Variants in PON3 observed in about 807,000 individuals in gnomAD.
PON3 encodes paraoxonase 3.
PON3 carries 37 observed loss-of-function variants against 36.3 expected under a neutral mutation model. That is an observed-to-expected ratio of 1.02 (90% CI 0.78 to 1.34). The LOEUF is 1.34. Among genes scored for constraint, PON3 ranks in the 40% most tolerant of loss-of-function variants. The pLI is 0.00. For missense variants in PON3, 415 were observed against 426.5 expected (o/e 0.97, Z 0.24); for synonymous variants, 155 against 154.8 (o/e 1.00, Z -0.01).
chr7:95,362,844 T>C lies in PON3; in HGVS notation c.696-3A>G. On this transcript the variant is annotated splice_polypyrimidine_tract_variant and splice_region_variant and intron_variant, in intron 6 of 8. Transcript: ENST00000265627. ...CTACATCAGCTACATAGACATACCT[T>C]TGAAGTAAATGACATTTACACTTAA... 6.3e-7 allele frequency: 1 copy of C among 1,599,418 alleles called. No individual in the cohort carries two copies. The highest frequency in any genetic ancestry group is 2.2e-5 in the East Asian group (1 of 44,806).
intron 8 of PON3, among the ~76,000 whole-genome samples, chr7:95,361,971 G>C (rs1808577845): frequency 6.6e-6 from 1 of 152,134 alleles, no homozygotes; most frequent in Non-Finnish European, 1.5e-5. Flanking sequence ...TGAGGCGACA[G>C]TTATTTAAAT....
At chr7:95,382,498 C>A (rs1809083099) in intron 3 of PON3, among the ~76,000 whole-genome samples, 1 of 152,010 alleles carries the variant, frequency 6.6e-6, no homozygotes, top group African/African-American at 2.4e-5. Flanking sequence ...CAAATAGATG[C>A]AATAAAAAAT....
chr7:95,362,553 C>T, intron 7 of PON3, 63 bp from the exon 8 acceptor site: 1 of 1,608,150 alleles, frequency 6.2e-7, no homozygotes, highest in Non-Finnish European at 8.5e-7. Context: ...CTTCCCTATT[C>T]ATCCCCACAA....
intron 1 of PON3, 193 bp downstream of exon 1, chr7:95,396,084 G>A: frequency 1.5e-6 from 1 of 672,538 alleles, no homozygotes; most frequent in Non-Finnish European, 2.7e-6. Context: ...CGGCTCGGCA[G>A]TCTTTGGAAA....
Position 95,367,487 on chromosome 7 carries a change from G to T in PON3, c.369C>A (p.Asp123Glu). 1.2e-6 allele frequency: 2 copies of T among 1,612,636 alleles called. No individual in the cohort carries two copies. The highest frequency in any genetic ancestry group is 1.7e-6 in the Non-Finnish European group (2 of 1,179,140). Reference protein sequence around the residue: ...PHGISIFIDKDNTVYLYVVNH... With the variant: ...PHGISIFIDKENTVYLYVVNH... The stretch of plus-strand genomic sequence containing the variant: ...TCACAACATAAAGATACACAGTATT[G>T]TCTACATGGAAAAAAGGGATAATTT... The change falls in exon 5 of 9, where the codon GAC becomes GAA. Residue 123 changes from aspartate to glutamate, a missense_variant and splice_region_variant. Asp to Glu is a conservative substitution (Grantham distance 45). Transcript: ENST00000265627.
chr7:95,366,083 C>T (rs1165738195), intron 5 of PON3, among the ~76,000 whole-genome samples: 1 of 152,086 alleles, frequency 6.6e-6, no homozygotes, highest in Non-Finnish European at 1.5e-5. Context: ...TAACCTTCTC[C>T]CTTCCTTGCC....
At chr7:95,366,291 C>A (rs976095457) in intron 5 of PON3, among the ~76,000 whole-genome samples, 6 of 152,138 alleles carry the variant, frequency 3.9e-5, no homozygotes, top group Admixed American at 6.5e-5. Context: ...AATTGAGGCA[C>A]CAATTAAGTG....
intron 3 of PON3, among the ~76,000 whole-genome samples, chr7:95,384,339 C>A (rs187629734): frequency 8.8e-4 from 134 of 152,216 alleles, no homozygotes; most frequent in African/African-American, 3.1e-3. Context: ...GCAACAAAAG[C>A]CAAAATTCAC....
Position 95,363,985 on chromosome 7 carries a change from T to C in PON3, c.573A>G (p.Ser191=), listed in dbSNP as rs770210286. Residue 191 remains serine (S), a synonymous_variant, in exon 6 of 9, where the codon TCA becomes TCG. Transcript: ENST00000265627. ...RDHYFTNSLL[S]FFEMILDLRW... ...GAAGATCCAAGATCATCTCAAAAAA[T>C]GACAGGAGGGAGTTGGTAAAATAGT... 2 of 1,613,814 alleles carry C rather than the reference T, an allele frequency of 1.2e-6. No individual in the cohort carries two copies. Among genetic ancestry groups the C allele is most frequent in the Non-Finnish European group, 1.7e-6 (2 of 1,179,774 alleles).
intron 5 of PON3, chr7:95,364,287 A>C: frequency 1.8e-6 from 1 of 567,666 alleles, no homozygotes; most frequent in Non-Finnish European, 3.1e-6. Flanking sequence ...CTTTCACAGA[A>C]ATCAGTGAAA....
intron 7 of PON3, 86 bp from the exon 8 acceptor site, chr7:95,362,576 C>A: frequency 6.3e-7 from 1 of 1,587,574 alleles, no homozygotes. Context: ...CCTACAGCTT[C>A]TTCTGGCACC....
At chr7:95,386,289 A>G (rs1220958188) in intron 3 of PON3, among the ~76,000 whole-genome samples, 1 of 152,246 alleles carries the variant, frequency 6.6e-6, no homozygotes, top group South Asian at 2.1e-4. Flanking sequence ...ATAAAAAATG[A>G]TAAAGGGGAT....
At chr7:95,380,808 C>T (rs202007021) in intron 3 of PON3, among the ~76,000 whole-genome samples, 1 of 152,148 alleles carries the variant, frequency 6.6e-6, no homozygotes, top group Non-Finnish European at 1.5e-5. Flanking sequence ...ACTTCCCCAA[C>T]CTAGCAAGGT....
At chr7:95,387,844 C>A (rs953777445) in intron 3 of PON3, among the ~76,000 whole-genome samples, 4 of 152,218 alleles carry the variant, frequency 2.6e-5, no homozygotes, top group African/African-American at 9.6e-5. Context: ...CTACAACCAT[C>A]TGATCTTTGA....
rs138097666 is a variant in PON3, at chr7:95,394,795, C to T, written c.75-81G>A. 2.9e-3 allele frequency: 3,163 copies of T among 1,103,964 alleles called. 90 individuals carry two copies. The Admixed American group carries it at 0.046, about 16-fold the overall frequency. 68.4% of individuals were successfully genotyped at this position (1,103,964 alleles called of 1,614,324 possible). A position where few individuals can be genotyped will look rare whatever the true frequency, so the allele number is the denominator to read the frequency against. ...TTTAAATGTGGACTTCAATCATCTT[C>T]GTGTTGGTTAACTATCTTTATCATA... On this transcript the variant is annotated intron_variant, in intron 1 of 8. Coordinates refer to ENST00000265627, the MANE Select transcript of PON3 (RefSeq NM_000940.3).
chr7:95,373,232 C>A (rs1808847625), intron 3 of PON3, among the ~76,000 whole-genome samples: 1 of 152,154 alleles, frequency 6.6e-6, no homozygotes, highest in Non-Finnish European at 1.5e-5. Flanking sequence ...TCCTATTTCA[C>A]CTTGTCTTTC....
Position 95,377,686 on chromosome 7 carries a change from G to A in PON3, c.202-5348C>T, listed in dbSNP as rs529625611. ...TCCAACAGACCTGCAGCTGAGAGGCGCGACTGTTAGAAGGAAAACTAACAA... is the reference window on the plus strand; with the variant it reads ...TCCAACAGACCTGCAGCTGAGAGGCACGACTGTTAGAAGGAAAACTAACAA... On this transcript the variant is annotated intron_variant, in intron 3 of 8. Transcript: ENST00000265627. The A allele has an allele frequency of 5.7e-4, 143 of 251,438 alleles. 2 individuals are homozygous for A. The highest frequency in any genetic ancestry group is 3.6e-3 in the South Asian group (108 of 29,664). 15.6% of individuals were successfully genotyped at this position (251,438 alleles called of 1,614,324 possible). A position where few individuals can be genotyped will look rare whatever the true frequency, so the allele number is the denominator to read the frequency against.
Position 95,396,285 on chromosome 7 carries a change from C to T in PON3, c.66G>A (p.Leu22=). 1 of 1,614,074 alleles carries T rather than the reference C, an allele frequency of 6.2e-7. No homozygotes were observed. The highest frequency in any genetic ancestry group is 8.5e-7 in the Non-Finnish European group (1 of 1,179,998). Residue 22 remains leucine, a synonymous_variant, in exon 1 of 9, where the codon CTG becomes CTA. Coordinates refer to ENST00000265627, the MANE Select transcript of PON3 (RefSeq NM_000940.3). ...GTCAAGATGCCACTCACCTAAACGC[C>T]AGGAACATCTCCCCGACTAAGGACA... The part of the protein sequence containing the change: ...VGLSLVGEMF[L]AFRERVNASR...
At chr7:95,390,462 T>C (rs1354232669) in intron 2 of PON3, among the ~76,000 whole-genome samples, 1 of 152,152 alleles carries the variant, frequency 6.6e-6, no homozygotes, top group Non-Finnish European at 1.5e-5. Context: ...GGCAAATACC[T>C]AGAAAATAAA....
Sources: allele counts gnomAD v4.1 joint callset (sites outside exome capture counted in the v4.1 genomes callset), GRCh38; gene constraint gnomAD v4.1.1; transcripts MANE v1.5; gene names NCBI Gene and HGNC (gene_info 2026-07-23, HGNC 2026-07-21).